IFNG-AS1: variants seen among roughly 807,000 people sequenced by gnomAD.
The protein encoded by IFNG-AS1 is IFNG regulatory antisense RNA 1, also known as IFNG antisense RNA 1 (non-protein coding).
chr12:68,005,950 G>C (rs767156948), intron 2 of IFNG-AS1: 4 of 152,206 alleles, frequency 2.6e-5, no homozygotes, highest in Non-Finnish European at 5.9e-5. Flanking sequence ...GACCAGCTAA[G>C]ACTGCAGATT....
At chr12:68,017,893 G>A (rs1880191827) in intron 3 of IFNG-AS1, among the ~76,000 whole-genome samples, 2 of 152,104 alleles carry the variant, frequency 1.3e-5, no homozygotes, top group Admixed American at 1.3e-4. Context: ...GTTCATATGG[G>A]TATTGTAAGA....
rs1488210920 is a variant in IFNG-AS1, at chr12:67,998,154, C to A, written n.184+2081C>A. ...TCTAGGAATTTACCCAGAAGATACA[C>A]CTCCGATAAGGCAAAAATATATTTG... On this transcript the variant is annotated intron_variant and non_coding_transcript_variant, in intron 2 of 5. Coordinates refer to ENST00000536914, the Ensembl canonical transcript of IFNG-AS1. Among the ~76,000 whole-genome samples the A allele has an allele frequency of 2.0e-5, 3 of 152,064 alleles. No homozygotes were observed. In the East Asian group the frequency reaches 5.8e-4, roughly 29 times the overall value.
chr12:68,011,310 T>A (rs1384794912), intron 3 of IFNG-AS1, among the ~76,000 whole-genome samples: 1 of 152,218 alleles, frequency 6.6e-6, no homozygotes, highest in Non-Finnish European at 1.5e-5. Flanking sequence ...AAACTGTGGG[T>A]TGTGGTTCAA....
At chr12:68,019,164 C>T (rs1469655258) in intron 3 of IFNG-AS1, among the ~76,000 whole-genome samples, 5 of 151,998 alleles carry the variant, frequency 3.3e-5, no homozygotes, top group Admixed American at 3.3e-4. Flanking sequence ...AAAATAGAAA[C>T]CTTTACAGCC....
rs184081169 is a variant in IFNG-AS1 at position 67,990,637 on chromosome 12, G to T, written n.51+1058G>T. 9.1e-4 allele frequency among the ~76,000 whole-genome samples: 138 copies of T among 151,062 alleles called. 2 individuals carry two copies. Among genetic ancestry groups the T allele is most frequent in the African/African-American group, 3.3e-3 (136 of 41,138 alleles). On this transcript the variant is annotated intron_variant and non_coding_transcript_variant, in intron 1 of 5. Transcript: ENST00000536914. ...GAGATGGAGTCTCGCACTGTCGACCGGGCTGGAGTGCAGTGGCGCGATCTC... is the reference window on the plus strand; with the variant it reads ...GAGATGGAGTCTCGCACTGTCGACCTGGCTGGAGTGCAGTGGCGCGATCTC...
At chr12:68,001,103 T>C (rs545193254) in intron 2 of IFNG-AS1, among the ~76,000 whole-genome samples, 47 of 152,218 alleles carry the variant, frequency 3.1e-4, no homozygotes, top group Admixed American at 2.1e-3. Flanking sequence ...ACATATATAC[T>C]TGCACATACA....
chr12:68,006,333 G>T (rs980933226), intron 3 of IFNG-AS1, among the ~76,000 whole-genome samples: 1 of 152,124 alleles, frequency 6.6e-6, no homozygotes, highest in African/African-American at 2.4e-5. Flanking sequence ...CTTGTATAAA[G>T]AATTCTAGAA....
chr12:68,016,410 A>C (rs1474068499), intron 3 of IFNG-AS1, among the ~76,000 whole-genome samples: 1 of 151,862 alleles, frequency 6.6e-6, no homozygotes, highest in Non-Finnish European at 1.5e-5. Context: ...TCCCCTGTAC[A>C]CTCAAGAGCC....
intron 2 of IFNG-AS1, among the ~76,000 whole-genome samples, chr12:67,996,409 A>G (rs949145476): frequency 4.6e-5 from 7 of 152,250 alleles, no homozygotes; most frequent in Non-Finnish European, 7.3e-5. Context: ...CTTGTTGTAT[A>G]GTGAGAACAA....
At chr12:68,007,620 T>C (rs1879934797) in intron 3 of IFNG-AS1, among the ~76,000 whole-genome samples, 1 of 152,240 alleles carries the variant, frequency 6.6e-6, no homozygotes, top group African/African-American at 2.4e-5. Context: ...CAGTCACAGT[T>C]TCAAAGTAAT....
intron 2 of IFNG-AS1, among the ~76,000 whole-genome samples, chr12:67,998,158 C>T (rs745749764): frequency 7.9e-5 from 12 of 151,798 alleles, no homozygotes; most frequent in East Asian, 1.9e-4. Flanking sequence ...GATACACCTC[C>T]GATAAGGCAA....
At chr12:68,017,688 C>A (rs971621458) in intron 3 of IFNG-AS1, among the ~76,000 whole-genome samples, 1 of 152,142 alleles carries the variant, frequency 6.6e-6, no homozygotes, top group African/African-American at 2.4e-5. Flanking sequence ...TTTCTAAAAT[C>A]TTCCAAATGA....
At chr12:67,991,828 G>T (rs967231893) in intron 1 of IFNG-AS1, among the ~76,000 whole-genome samples, 1 of 152,194 alleles carries the variant, frequency 6.6e-6, no homozygotes, top group African/African-American at 2.4e-5. Flanking sequence ...CCATCTCTTA[G>T]CTCTGTGACC....
chr12:68,011,913 T>G (rs563915982), intron 3 of IFNG-AS1, among the ~76,000 whole-genome samples: 21 of 152,312 alleles, frequency 1.4e-4, no homozygotes, highest in African/African-American at 5.1e-4. Flanking sequence ...GCTGTTGCCT[T>G]TCAGTTTCCT....
intron 2 of IFNG-AS1, among the ~76,000 whole-genome samples, chr12:68,000,448 G>A (rs570108980): frequency 6.6e-6 from 1 of 152,108 alleles, no homozygotes; most frequent in Non-Finnish European, 1.5e-5. Flanking sequence ...ATGGAGAATA[G>A]CTTGAGGCCA....
intron 3 of IFNG-AS1, among the ~76,000 whole-genome samples, chr12:68,009,346 G>T (rs1477698908): frequency 6.6e-6 from 1 of 151,804 alleles, no homozygotes; most frequent in Non-Finnish European, 1.5e-5. Flanking sequence ...TTTTGTTTTT[G>T]TTTTGTTTTG....
At chr12:68,012,974 G>A (rs918076223) in intron 3 of IFNG-AS1, among the ~76,000 whole-genome samples, 1 of 152,178 alleles carries the variant, frequency 6.6e-6, no homozygotes, top group South Asian at 2.1e-4. Context: ...AGGTTAAATA[G>A]CATGAAGCTG....
At chr12:67,990,397 T>C (rs970037368) in intron 1 of IFNG-AS1, among the ~76,000 whole-genome samples, 2 of 152,204 alleles carry the variant, frequency 1.3e-5, no homozygotes, top group Admixed American at 6.5e-5. Context: ...TAACCTACAA[T>C]GGTCAGAACT....
intron 2 of IFNG-AS1, among the ~76,000 whole-genome samples, chr12:67,997,912 C>T (rs1042476183): frequency 2.0e-5 from 3 of 151,874 alleles, no homozygotes; most frequent in Admixed American, 1.3e-4. Context: ...TAATATCATT[C>T]ATAACTAGTG....
Sources: gnomAD v4.1 joint callset for allele counts (sites outside exome capture counted in the v4.1 genomes callset) on GRCh38, gnomAD v4.1.1 for gene constraint, MANE v1.5 for transcripts, NCBI Gene and HGNC (gene_info 2026-07-23, HGNC 2026-07-21) for gene names.